The following PRR12 variants were observed in gnomAD, a reference collection of about 807,000 sequenced individuals.
PRR12 encodes the protein proline rich 12.
A neutral mutation model predicts 138.0 loss-of-function variants in PRR12; 12 were observed. The ratio of observed to expected loss-of-function variants is 0.09; its 90% CI spans 0.06 to 0.14. The LOEUF is 0.14. Among genes scored for constraint, PRR12 ranks in the 10% least tolerant of loss-of-function variants. PRR12 has a pLI of 1.00. For missense variants in PRR12, 2,692 were observed against 2,861.3 expected, an observed-to-expected ratio of 0.94 and a Z score of 1.35; for synonymous variants, 1,567 against 1,291.7, an observed-to-expected ratio of 1.21 and a Z score of -4.57.
chr19:49,620,548 C>T (rs1770100136), intron 10 of PRR12, 71 bp downstream of exon 10: 17 of 1,536,558 alleles, frequency 1.1e-5, no homozygotes, highest in South Asian at 4.8e-5. Context: ...AGGGCTTGGA[C>T]GTGATGTGAG....
Position 49,597,477 on chromosome 19 carries a change from C to T in PRR12, c.3142C>T (p.Pro1048Ser). The change falls in exon 4 of 14, where the codon CCT (proline) becomes TCT (serine). Residue 1048 changes from proline to serine, a missense_variant. Coordinates refer to ENST00000418929, the MANE Select transcript of PRR12 (RefSeq NM_020719.3). The surrounding 1 kb of genome is among the most constrained non-coding windows in gnomAD (Gnocchi z 6.3). ...APPPPPPPPP[P>S]PAPASEPKGG... is the part of the protein sequence containing the mutation. ...ACCACCCCCGCCTCCGCCACCGCCG[C>T]CTCCCGCGCCGGCCTCCGAACCCAA... The T allele has an allele frequency of 1.9e-6, 3 of 1,545,740 alleles. No individual in the cohort carries two copies. The highest frequency in any genetic ancestry group is 2.6e-6 in the Non-Finnish European group (3 of 1,146,994).
intron 11 of PRR12, among the ~76,000 whole-genome samples, chr19:49,622,660 G>A: frequency 6.7e-6 from 1 of 150,050 alleles, no homozygotes; most frequent in East Asian, 2.0e-4. Flanking sequence ...GGGAGGCCAA[G>A]ACGGATGGAT....
Position 49,594,775 on chromosome 19 carries a change from C to T in PRR12, c.440C>T (p.Ala147Val), listed in dbSNP as rs1449421551. 6.2e-7 allele frequency: 1 copy of T among 1,613,506 alleles called. No homozygotes were observed. Among genetic ancestry groups the T allele is most frequent in the Non-Finnish European group, 8.5e-7 (1 of 1,179,812 alleles). Residue 147 changes from alanine to valine, a missense_variant, in exon 4 of 14, where the codon GCC becomes GTC. By Grantham distance (64) the Ala-to-Val change is moderately conservative. Around this residue, in one of 11 missense-constraint regions of PRR12, gnomAD observed 211 missense variants for 266.3 expected, o/e 0.79. Coordinates refer to ENST00000418929, the MANE Select transcript of PRR12 (RefSeq NM_020719.3). The surrounding 1 kb of genome is among the most constrained non-coding windows in gnomAD (Gnocchi z 5.6). ...TCCAGCACCTTTCCGTCCTCATCTG[C>T]CCTGTCGGCTTACCAACACCCGGCT... is the stretch of plus-strand genomic sequence containing the variant. ...PGSSTFPSSS[A>V]LSAYQHPASF... is the part of the protein sequence containing the mutation.
intron 4 of PRR12, among the ~76,000 whole-genome samples, chr19:49,598,306 C>T (rs986624551): frequency 7.2e-5 from 11 of 151,764 alleles, no homozygotes; most frequent in Non-Finnish European, 7.4e-5. Context: ...GATCTCCTGG[C>T]CTCGTGATCC....
intron 11 of PRR12, 81 bp downstream of exon 11, chr19:49,621,703 G>A (rs998136297): frequency 4.4e-5 from 51 of 1,165,494 alleles, no homozygotes; most frequent in Non-Finnish European, 5.7e-5. Flanking sequence ...CGCTGTTGGC[G>A]GGGGTGATCC....
Position 49,599,955 on chromosome 19 carries a change from TG to T in PRR12, c.4345+19del. 1 of 1,577,272 alleles carries T rather than the reference TG, an allele frequency of 6.3e-7. No homozygotes were observed. Among genetic ancestry groups the T allele is most frequent in the South Asian group, 1.2e-5 (1 of 86,600 alleles). On this transcript the variant is annotated intron_variant, in intron 5 of 13. Transcript: ENST00000418929. The surrounding 1 kb of genome is among the most constrained non-coding windows in gnomAD (Gnocchi z 5.0). ...GCACTCCCGGTGAGCTCTGGGCAGG[TG>T]GTCTGGGAGTAGAGCTTAAAGGTTA...
rs764663893 is a variant in PRR12 at position 49,594,970 on chromosome 19, G to C, written c.635G>C (p.Gly212Ala). 14 of 1,599,402 alleles carry C rather than the reference G, an allele frequency of 8.8e-6. No individual in the cohort carries two copies. Among genetic ancestry groups the C allele is most frequent in the South Asian group, 3.4e-5 (3 of 89,268 alleles). Residue 212 changes from glycine to alanine, a missense_variant, in exon 4 of 14, where the codon GGT becomes GCT. Transcript: ENST00000418929. This position sits in a 1 kb window ranked among gnomAD's most constrained non-coding sequence, Gnocchi z 5.6. ...GGCTTCGAGCGCCTGGCAGGGGGCG[G>C]TGTCTTGGGGCCAGCTGGTCTCGGT... ...SLGFERLAGG[G>A]VLGPAGLGPA...
chr19:49,601,532 C>T lies in PRR12; in HGVS notation c.4387C>T (p.Pro1463Ser). ...LEEKPPPTPP[P>S]APTPQPQPPP... ...GGAGAAACCCCCACCCACTCCACCT[C>T]CTGCCCCGACTCCTCAGCCTCAGCC... Residue 1463 changes from proline to serine, a missense_variant, in exon 6 of 14, where the codon CCT becomes TCT. Physicochemically the swap from Pro to Ser is moderately conservative, Grantham distance 74. Transcript: ENST00000418929. 2 of 1,539,380 alleles carry T rather than the reference C, an allele frequency of 1.3e-6. No homozygotes were observed. Among genetic ancestry groups the T allele is most frequent in the Middle Eastern group, 1.7e-4 (1 of 5,914 alleles).
chr19:49,593,236 A>G, intron 1 of PRR12, 91 bp from the exon 2 acceptor site: 1 of 477,998 alleles, frequency 2.1e-6, no homozygotes, highest in Non-Finnish European at 3.8e-6. Context: ...GTCAGCTGGA[A>G]GGGTCCCCCC....
intron 9 of PRR12, 77 bp from the exon 10 acceptor site, chr19:49,620,275 G>T: frequency 1.3e-5 from 20 of 1,581,884 alleles, no homozygotes; most frequent in Non-Finnish European, 1.7e-5. Context: ...GGTCCCCAGT[G>T]TTGAGAACAG....
chr19:49,617,464 C>A (rs1353483286), intron 9 of PRR12, among the ~76,000 whole-genome samples: 1 of 151,998 alleles, frequency 6.6e-6, no homozygotes, highest in Non-Finnish European at 1.5e-5. Context: ...CCCGTCTCTA[C>A]GAACAAATTT....
rs776344936 is a variant in PRR12, at chr19:49,594,427, C to T, written c.200-27C>T. On this transcript the variant is annotated intron_variant, in intron 2 of 13. Transcript: ENST00000418929. This position sits in a 1 kb window ranked among gnomAD's most constrained non-coding sequence, Gnocchi z 5.6. ...CTGTATCCTACCCACCCCCACCTGG[C>T]TGACTATAACCCCTGTCCCCGGCCA... 6.5e-7 allele frequency: 1 copy of T among 1,531,044 alleles called. No homozygotes were observed. Among genetic ancestry groups the T allele is most frequent in the South Asian group, 1.3e-5 (1 of 78,020 alleles). 94.8% of individuals were successfully genotyped at this position (1,531,044 alleles called of 1,614,324 possible). A position where few individuals can be genotyped will look rare whatever the true frequency, so the allele number is the denominator to read the frequency against.
chr19:49,600,913 C>T (rs375445313), intron 5 of PRR12, among the ~76,000 whole-genome samples: 13 of 152,028 alleles, frequency 8.6e-5, no homozygotes, highest in South Asian at 2.1e-4. Context: ...TTAGTAGAGA[C>T]GGGGTTTCAC....
intron 9 of PRR12, among the ~76,000 whole-genome samples, chr19:49,618,098 A>G (rs561860921): frequency 1.1e-4 from 17 of 152,306 alleles, no homozygotes; most frequent in African/African-American, 3.8e-4. Context: ...ACTCGGTCTC[A>G]ATAAATGAAT....
Position 49,614,527 on chromosome 19 carries a change from C to A in PRR12, c.4774-6C>A. ...CTGCTGGCCTCACCACACCCCTCCT[C>A]CTCAGCTGGCGTTGCAGACGGGGCG... is the stretch of plus-strand genomic sequence containing the variant. On this transcript the variant is annotated splice_polypyrimidine_tract_variant and splice_region_variant and intron_variant, in intron 6 of 13. Transcript: ENST00000418929. This position sits in a 1 kb window ranked among gnomAD's most constrained non-coding sequence, Gnocchi z 5.0. The A allele has an allele frequency of 6.5e-7, 1 of 1,539,460 alleles. No homozygotes were observed. The highest frequency in any genetic ancestry group is 8.8e-7 in the Non-Finnish European group (1 of 1,141,316).
At chr19:49,610,675 A>G (rs1352629798) in intron 6 of PRR12, among the ~76,000 whole-genome samples, 1 of 150,752 alleles carries the variant, frequency 6.6e-6, no homozygotes, top group Non-Finnish European at 1.5e-5. Context: ...TCAAGTAGCT[A>G]GGACCACAGG....
At chr19:49,603,328 G>A (rs934414221) in intron 6 of PRR12, among the ~76,000 whole-genome samples, 1 of 152,226 alleles carries the variant, frequency 6.6e-6, no homozygotes, top group Non-Finnish European at 1.5e-5. Context: ...CATTCTCCAT[G>A]TCAATCATTG....
chr19:49,597,961 G>A lies in PRR12; in HGVS notation c.3626G>A (p.Arg1209Gln), dbSNP rs773594924. 4 of 1,400,886 alleles carry A rather than the reference G, an allele frequency of 2.9e-6. No individual in the cohort carries two copies. Among genetic ancestry groups the A allele is most frequent in the Non-Finnish European group, 3.7e-6 (4 of 1,081,018 alleles). The allele number at this position is 1,400,886 out of a possible 1,614,324, so 86.8% of individuals were successfully genotyped here. ...KPRGRGRGRG[R>Q]KAEEAGGTRL... Reference sequence around the variant, plus strand: ...CGGGGCCGGGGCCGAGGCCGGGGTCGAAAGGCTGAGGAGGCAGGGGGCACC... The same window carrying A: ...CGGGGCCGGGGCCGAGGCCGGGGTCAAAAGGCTGAGGAGGCAGGGGGCACC... The change falls in exon 4 of 14, where the codon CGA (arginine) becomes CAA (glutamine). Residue 1209 changes from arginine to glutamine, a missense_variant. Physicochemically the swap from Arg to Gln is conservative, Grantham distance 43. Transcript: ENST00000418929. The surrounding 1 kb of genome is among the most constrained non-coding windows in gnomAD (Gnocchi z 6.3).
chr19:49,592,967 G>C (rs1465988419), intron 1 of PRR12, among the ~76,000 whole-genome samples: 1 of 152,082 alleles, frequency 6.6e-6, no homozygotes, highest in Non-Finnish European at 1.5e-5. Flanking sequence ...CGCCGGAACG[G>C]GGGCTGGGGG....
Sources: allele counts gnomAD v4.1 joint callset (sites outside exome capture counted in the v4.1 genomes callset), GRCh38; gene constraint gnomAD v4.1.1; regional missense constraint gnomAD v4.1.1; non-coding constraint Gnocchi (gnomAD v3.1); transcripts MANE v1.5; gene names NCBI Gene and HGNC (gene_info 2026-07-23, HGNC 2026-07-21).